Variants in ARK2C observed in about 807,000 individuals in gnomAD.
ARK2C encodes arkadia (RNF111) C-terminal like ring finger ubiquitin ligase 2C.
At chr18:46,443,973 T>G in the ARK2C span, among the ~76,000 whole-genome samples, 7 of 152,180 alleles carry the variant, frequency 4.6e-5, no homozygotes, top group African/African-American at 1.4e-4. Flanking sequence ...TGAAAAAGTC[T>G]TTATTTCACT....
chr18:46,455,056 A>C, the ARK2C span, among the ~76,000 whole-genome samples: 1 of 152,234 alleles, frequency 6.6e-6, no homozygotes, highest in African/African-American at 2.4e-5. Context: ...ATCAGCATAA[A>C]ATGAAAAACA....
At chr18:46,364,323 C>CT in the ARK2C span, among the ~76,000 whole-genome samples, 1 of 151,776 alleles carries the variant, frequency 6.6e-6, no homozygotes, top group African/African-American at 2.4e-5. Flanking sequence ...GCACTTTTTA[C>CT]CAACCAAAGT....
At chr18:46,384,326 C>T in the ARK2C span, among the ~76,000 whole-genome samples, 1 of 152,226 alleles carries the variant, frequency 6.6e-6, no homozygotes, top group African/African-American at 2.4e-5. Context: ...TTCCCGAGGA[C>T]ATGCAGGCTG....
At chr18:46,448,505 A>T in the ARK2C span, among the ~76,000 whole-genome samples, 3 of 152,122 alleles carry the variant, frequency 2.0e-5, no homozygotes, top group Non-Finnish European at 4.4e-5. Flanking sequence ...GGCAGAGTAG[A>T]CCTTGCACTT....
the ARK2C span, among the ~76,000 whole-genome samples, chr18:46,344,953 C>T: frequency 2.0e-5 from 3 of 152,334 alleles, no homozygotes; most frequent in Middle Eastern, 3.4e-3. Flanking sequence ...CTGGTGGGCT[C>T]ATGTCCCTCA....
the ARK2C span, among the ~76,000 whole-genome samples, chr18:46,367,255 T>C: frequency 6.6e-6 from 1 of 152,212 alleles, no homozygotes; most frequent in African/African-American, 2.4e-5. Flanking sequence ...CTGTCATACC[T>C]GGCTTTCCAG....
chr18:46,390,504 C>T, the ARK2C span, among the ~76,000 whole-genome samples: 2 of 152,274 alleles, frequency 1.3e-5, no homozygotes, highest in East Asian at 1.9e-4. Context: ...TCTCAGAAGA[C>T]GGGCATATAT....
the ARK2C span, among the ~76,000 whole-genome samples, chr18:46,440,684 A>G: frequency 6.6e-6 from 1 of 152,168 alleles, no homozygotes; most frequent in Non-Finnish European, 1.5e-5. Flanking sequence ...ATATCTAGCC[A>G]GTATTAAAAT....
At chr18:46,395,053 A>AC in the ARK2C span, among the ~76,000 whole-genome samples, 1 of 152,142 alleles carries the variant, frequency 6.6e-6, no homozygotes. Flanking sequence ...TCATACAGGT[A>AC]CCCCCTCTCC....
chr18:46,360,735 G>GC, the ARK2C span, among the ~76,000 whole-genome samples: 2 of 152,142 alleles, frequency 1.3e-5, no homozygotes, highest in Admixed American at 1.3e-4. Context: ...CTTCCTGCAG[G>GC]CCCCCCTTGC....
the ARK2C span, among the ~76,000 whole-genome samples, chr18:46,424,601 G>A: frequency 5.3e-5 from 8 of 152,154 alleles, no homozygotes; most frequent in Admixed American, 1.3e-4. Flanking sequence ...TCTTCCTGGC[G>A]CTTTCTACTT....
chr18:46,414,357 G>A, the ARK2C span, among the ~76,000 whole-genome samples: 1 of 152,176 alleles, frequency 6.6e-6, no homozygotes, highest in Non-Finnish European at 1.5e-5. Flanking sequence ...CTCTGTGTAG[G>A]TGCTGCTTAC....
At chr18:46,441,382 G>C in the ARK2C span, among the ~76,000 whole-genome samples, 1 of 152,120 alleles carries the variant, frequency 6.6e-6, no homozygotes, top group African/African-American at 2.4e-5. Flanking sequence ...ACTGCATCTG[G>C]TAATTTTGGT....
At chr18:46,349,526 C>G in the ARK2C span, among the ~76,000 whole-genome samples, 1 of 152,182 alleles carries the variant, frequency 6.6e-6, no homozygotes, top group Non-Finnish European at 1.5e-5. Flanking sequence ...AGTCATAGCA[C>G]CTACTCTAGA....
the ARK2C span, among the ~76,000 whole-genome samples, chr18:46,398,258 G>A: frequency 6.6e-6 from 1 of 151,476 alleles, no homozygotes; most frequent in Non-Finnish European, 1.5e-5. Context: ...GAGGTGTGAG[G>A]GTGTGTGTGC....
chr18:46,390,788 G>A, the ARK2C span, among the ~76,000 whole-genome samples: 1 of 152,032 alleles, frequency 6.6e-6, no homozygotes, highest in East Asian at 1.9e-4. Flanking sequence ...TCTGAGCCGG[G>A]CACCCTTATT....
the ARK2C span, among the ~76,000 whole-genome samples, chr18:46,362,069 C>A: frequency 2.2e-4 from 34 of 152,212 alleles, 1 homozygote; most frequent in South Asian, 4.1e-4. Flanking sequence ...GCCAAAGGCC[C>A]CCCTGCCACC....
At chr18:46,460,282 T>C in the ARK2C span, 1 of 152,616 alleles carries the variant, frequency 6.6e-6, no homozygotes, top group Non-Finnish European at 1.5e-5. Context: ...TGCGTGGGGC[T>C]GTAGCAACGT....
chr18:46,415,370 A>T, the ARK2C span, among the ~76,000 whole-genome samples: 18 of 151,818 alleles, frequency 1.2e-4, no homozygotes, highest in Admixed American at 9.8e-4. Context: ...AATACAAAAA[A>T]TTTTTTATAT....
Sources: allele counts gnomAD v4.1 joint callset (sites outside exome capture counted in the v4.1 genomes callset), GRCh38; gene constraint gnomAD v4.1.1; transcripts MANE v1.5; gene names NCBI Gene and HGNC (gene_info 2026-07-23, HGNC 2026-07-21).